The following SLC5A11 variants were observed in gnomAD, a reference collection of about 807,000 sequenced individuals.
The protein encoded by SLC5A11 is solute carrier family 5 member 11, also known as sodium/myo-inositol cotransporter 2.
SLC5A11 carries 48 observed loss-of-function variants against 69.8 expected under a neutral mutation model. That is an observed-to-expected ratio of 0.69 (90% CI 0.55 to 0.87). SLC5A11 has a LOEUF of 0.87. SLC5A11 is among the 40% of genes least tolerant of loss of function. The pLI is 0.00. For missense variants in SLC5A11, 784 were observed against 866.1 expected (o/e 0.91, Z 1.19); for synonymous variants, 319 against 342.4 (o/e 0.93, Z 0.75).
chr16:24,849,593 A>AAAATATAT, intron 1 of SLC5A11, among the ~76,000 whole-genome samples: 3 of 35,906 alleles, frequency 8.4e-5, no homozygotes, highest in African/African-American at 2.8e-4. Flanking sequence ...AAAAAAAAAA[A>AAAATATAT]ATATATATAT....
At chr16:24,878,091 G>A (rs922332707) in intron 7 of SLC5A11, among the ~76,000 whole-genome samples, 19 of 152,214 alleles carry the variant, frequency 1.2e-4, no homozygotes, top group Non-Finnish European at 2.9e-5. Flanking sequence ...TGGGGCGGAC[G>A]TTGCAGTGAG....
chr16:24,885,649 C>T (rs1266974821), intron 8 of SLC5A11, among the ~76,000 whole-genome samples: 1 of 80,370 alleles, frequency 1.2e-5, no homozygotes, highest in African/African-American at 4.9e-5. Flanking sequence ...AGAGTGAGAC[C>T]CTGTCTCAAA....
chr16:24,867,742 A>T (rs1214224246), intron 3 of SLC5A11, among the ~76,000 whole-genome samples: 1 of 152,190 alleles, frequency 6.6e-6, no homozygotes, highest in Non-Finnish European at 1.5e-5. Flanking sequence ...GAGCAATTAT[A>T]TGCAAAAAAT....
chr16:24,884,513 G>GTTTTTTTTTTTTT (rs10572531), intron 8 of SLC5A11, among the ~76,000 whole-genome samples: 8 of 110,270 alleles, frequency 7.3e-5, no homozygotes, highest in African/African-American at 1.6e-4. Flanking sequence ...TTTTTATTTT[G>GTTTTTTTTTTTTT]TTTTTTTTTT....
At chr16:24,877,070 A>G (rs561923353) in intron 6 of SLC5A11, 188 bp from the exon 8 acceptor site, 39 of 1,446,104 alleles carry the variant, frequency 2.7e-5, no homozygotes, top group Middle Eastern at 2.5e-4. Flanking sequence ...GCATCAGCCC[A>G]GGGCCCACAG....
chr16:24,907,195 G>A lies in SLC5A11; in HGVS notation c.1265+20G>A. 3 of 1,613,180 alleles carry A rather than the reference G, an allele frequency of 1.9e-6. No individual in the cohort carries two copies. The highest frequency in any genetic ancestry group is 2.5e-6 in the Non-Finnish European group (3 of 1,179,544). ...GGGCAGGTAAGTCCCCACTGGGTGGGGCTGGGGCAGGGGGAAGAGAGAGCT... is the reference window on the plus strand; with the variant it reads ...GGGCAGGTAAGTCCCCACTGGGTGGAGCTGGGGCAGGGGGAAGAGAGAGCT... On this transcript the variant is annotated intron_variant, in intron 12 of 15. Transcript: ENST00000347898.
At position 24,877,054 on chromosome 16, in the gene SLC5A11, G is replaced by A. The variant is rs541657464; in HGVS notation, c.478-204G>A. ...CAGAAGCAGGAAGACCATTGAGGAG[G>A]CTGCTGCATCAGCCCAGGGCCCACA... On this transcript the variant is annotated intron_variant, in intron 6 of 15. Transcript: ENST00000347898. The A allele has an allele frequency of 1.1e-5, 15 of 1,400,608 alleles. No homozygotes were observed. The Admixed American group carries it at 1.4e-4, about 13-fold the overall frequency. 86.8% of individuals were successfully genotyped at this position (1,400,608 alleles called of 1,614,324 possible).
intron 1 of SLC5A11, among the ~76,000 whole-genome samples, chr16:24,848,085 G>A (rs1470188738): frequency 3.9e-5 from 6 of 152,172 alleles, no homozygotes; most frequent in Non-Finnish European, 8.8e-5. Context: ...AGGATGAGTA[G>A]GAGCTTGTCC....
At chr16:24,879,170 C>T (rs1488795795) in intron 7 of SLC5A11, among the ~76,000 whole-genome samples, 2 of 151,522 alleles carry the variant, frequency 1.3e-5, no homozygotes, top group Admixed American at 6.6e-5. Flanking sequence ...GAATATTCAG[C>T]TAAGGCCTCT....
intron 1 of SLC5A11, among the ~76,000 whole-genome samples, chr16:24,849,597 T>A (rs1375344261): frequency 0.036 from 2,664 of 74,880 alleles, 77 homozygotes; most frequent in African/African-American, 0.053. Context: ...AAAAAAAATA[T>A]ATATATATAT....
At chr16:24,849,965 C>G (rs1228703844) in intron 1 of SLC5A11, among the ~76,000 whole-genome samples, 1 of 151,900 alleles carries the variant, frequency 6.6e-6, no homozygotes, top group African/African-American at 2.4e-5. Context: ...TTATTATTAT[C>G]TATTATTTGA....
exon 14 of SLC5A11, chr16:24,908,925 T>C: frequency 6.2e-7 from 1 of 1,614,056 alleles, no homozygotes; most frequent in African/African-American, 1.3e-5. Context: ...TGGGCTTGGT[T>C]AGGCTGGTCC....
intron 8 of SLC5A11, among the ~76,000 whole-genome samples, chr16:24,885,117 G>A (rs112512139): frequency 3.3e-5 from 5 of 152,038 alleles, no homozygotes; most frequent in South Asian, 2.1e-4. Context: ...CCAATTCTTC[G>A]TACCAGCTTG....
intron 7 of SLC5A11, among the ~76,000 whole-genome samples, chr16:24,880,867 G>T (rs918967902): frequency 1.3e-5 from 2 of 151,966 alleles, no homozygotes; most frequent in Non-Finnish European, 2.9e-5. Context: ...CCACAACCTC[G>T]CCAACGTCGG....
At chr16:24,870,677 G>C (rs1167789108) in intron 4 of SLC5A11, among the ~76,000 whole-genome samples, 3 of 150,872 alleles carry the variant, frequency 2.0e-5, no homozygotes, top group African/African-American at 7.3e-5. Context: ...CTACTCAGGA[G>C]GCTGAGGCAG....
chr16:24,863,682 T>A (rs1010684014), intron 3 of SLC5A11, among the ~76,000 whole-genome samples: 2 of 152,196 alleles, frequency 1.3e-5, no homozygotes, highest in African/African-American at 4.8e-5. Flanking sequence ...ATCAACTTTT[T>A]CAGAACTCTG....
chr16:24,858,192 G>A (rs2059614160), intron 1 of SLC5A11, among the ~76,000 whole-genome samples: 1 of 152,136 alleles, frequency 6.6e-6, no homozygotes, highest in Admixed American at 6.5e-5. Context: ...TGTAGCATTG[G>A]AACAAGATTA....
intron 5 of SLC5A11, among the ~76,000 whole-genome samples, chr16:24,873,440 G>A (rs2047464943): frequency 6.6e-6 from 1 of 152,032 alleles, no homozygotes; most frequent in African/African-American, 2.4e-5. Flanking sequence ...AGACCAGCCT[G>A]GGCAACACAG....
intron 1 of SLC5A11, among the ~76,000 whole-genome samples, chr16:24,854,867 G>C (rs1465910270): frequency 2.0e-5 from 3 of 152,040 alleles, no homozygotes; most frequent in African/African-American, 7.2e-5. Context: ...CCTCCCTTAA[G>C]AGCCTCCACC....
Sources: gnomAD v4.1 joint callset for allele counts (sites outside exome capture counted in the v4.1 genomes callset) on GRCh38, gnomAD v4.1.1 for gene constraint, MANE v1.5 for transcripts, NCBI Gene and HGNC (gene_info 2026-07-23, HGNC 2026-07-21) for gene names.